SLC24A2: variants seen among roughly 807,000 people sequenced by gnomAD.
The protein encoded by SLC24A2 is sodium/potassium/calcium exchanger 2.
In SLC24A2, 36 loss-of-function variants were observed where a neutral mutation model predicts 62.0. The observed-to-expected ratio is 0.58, with a 90% confidence interval of 0.44 to 0.77. The LOEUF (loss-of-function observed/expected upper bound fraction) is 0.77. Ranked by LOEUF, SLC24A2 falls within the 30% of genes least tolerant of loss-of-function variation. The pLI is 0.00. For synonymous variants in SLC24A2, 358 were observed against 294.0 expected (o/e 1.22, Z -2.23); for missense variants, 846 against 817.9 (o/e 1.03, Z -0.42).
At chr9:19,720,256 C>A (rs1444535373) in intron 2 of SLC24A2, among the ~76,000 whole-genome samples, 1 of 152,076 alleles carries the variant, frequency 6.6e-6, no homozygotes, top group Non-Finnish European at 1.5e-5. Flanking sequence ...CGTGTACCTC[C>A]ACTATCTAAA....
At chr9:19,888,215 T>A in the SLC24A2 span, among the ~76,000 whole-genome samples, 4 of 152,228 alleles carry the variant, frequency 2.6e-5, no homozygotes, top group East Asian at 1.9e-4. Flanking sequence ...CTCCATTATG[T>A]TTTAATTTTT....
chr9:19,942,933 C>T, the SLC24A2 span, among the ~76,000 whole-genome samples: 1 of 152,064 alleles, frequency 6.6e-6, no homozygotes, highest in African/African-American at 2.4e-5. Context: ...AGAATGACCC[C>T]GAATGAACAT....
chr9:20,247,138 T>C, the SLC24A2 span, among the ~76,000 whole-genome samples: 126 of 152,324 alleles, frequency 8.3e-4, no homozygotes, highest in African/African-American at 2.8e-3. Flanking sequence ...GGTTTCTCTA[T>C]TGGAAATATT....
the SLC24A2 span, among the ~76,000 whole-genome samples, chr9:20,005,433 G>A: frequency 6.6e-6 from 1 of 152,116 alleles, no homozygotes; most frequent in African/African-American, 2.4e-5. Flanking sequence ...AATCTTCACA[G>A]TGGCCTAAGG....
the SLC24A2 span, among the ~76,000 whole-genome samples, chr9:19,876,052 G>T: frequency 6.6e-6 from 1 of 152,184 alleles, no homozygotes; most frequent in Non-Finnish European, 1.5e-5. Context: ...CTTGCAGCAT[G>T]TCAAGTCTTC....
the SLC24A2 span, among the ~76,000 whole-genome samples, chr9:20,282,617 T>C: frequency 2.6e-5 from 4 of 152,214 alleles, no homozygotes; most frequent in African/African-American, 9.7e-5. Flanking sequence ...TGAATTGGTA[T>C]CTTTTCAACT....
chr9:19,985,767 A>G, the SLC24A2 span, among the ~76,000 whole-genome samples: 2 of 152,168 alleles, frequency 1.3e-5, no homozygotes, highest in African/African-American at 4.8e-5. Context: ...CAAAAGCATT[A>G]TTAAAAAGTA....
intron 2 of SLC24A2, among the ~76,000 whole-genome samples, chr9:19,628,700 TC>T (rs1298351603): frequency 6.6e-6 from 1 of 152,202 alleles, no homozygotes; most frequent in African/African-American, 2.4e-5. Flanking sequence ...TTGCCTTACT[TC>T]CTTTAAGGAA....
At chr9:20,057,791 G>A in the SLC24A2 span, among the ~76,000 whole-genome samples, 1 of 152,124 alleles carries the variant, frequency 6.6e-6, no homozygotes, top group Non-Finnish European at 1.5e-5. Flanking sequence ...TTAAAACTGT[G>A]TGAGGTAGAT....
At chr9:19,531,626 T>A (rs955365621) in intron 8 of SLC24A2, among the ~76,000 whole-genome samples, 1 of 152,104 alleles carries the variant, frequency 6.6e-6, no homozygotes, top group Admixed American at 6.5e-5. Flanking sequence ...CTTACTGATT[T>A]AAATTCAACA....
intron 2 of SLC24A2, among the ~76,000 whole-genome samples, chr9:19,662,917 T>C (rs1330180371): frequency 1.3e-5 from 2 of 152,214 alleles, no homozygotes; most frequent in Non-Finnish European, 2.9e-5. Flanking sequence ...CATGTCTAAC[T>C]GGTTTTAGAT....
chr9:19,591,173 A>G (rs1211932546), intron 5 of SLC24A2, among the ~76,000 whole-genome samples: 1 of 152,048 alleles, frequency 6.6e-6, no homozygotes, highest in African/African-American at 2.4e-5. Flanking sequence ...ATGACCCCCA[A>G]ATTTACATCT....
the SLC24A2 span, among the ~76,000 whole-genome samples, chr9:19,822,211 A>C: frequency 1.3e-5 from 2 of 152,160 alleles, no homozygotes; most frequent in African/African-American, 4.8e-5. Context: ...TAATGATAGA[A>C]TCAGCATGTT....
At chr9:19,718,223 C>A (rs1290999149) in intron 2 of SLC24A2, among the ~76,000 whole-genome samples, 1 of 150,568 alleles carries the variant, frequency 6.6e-6, no homozygotes, top group Non-Finnish European at 1.5e-5. Context: ...GATCTGCCTG[C>A]CTTGGCCTCC....
intron 3 of SLC24A2, 47 bp from the exon 4 acceptor site, chr9:19,619,739 A>G (rs777693316): frequency 7.8e-6 from 11 of 1,413,740 alleles, no homozygotes; most frequent in African/African-American, 1.4e-5. Flanking sequence ...AATGAAAGAC[A>G]AGTGCATTAT....
chr9:19,785,989 A>C lies in SLC24A2; in HGVS notation c.878T>G (p.Met293Arg), dbSNP rs2118946319. ...NVQVEKWVKQ[M>R]INRNKVVKVT... ...CTTGACGACCTTATTGCGGTTTATCATTTGCTTCACCCATTTTTCTACTTG... is the reference window on the plus strand; with the variant it reads ...CTTGACGACCTTATTGCGGTTTATCCTTTGCTTCACCCATTTTTCTACTTG... Residue 293 changes from methionine (M) to arginine (R), a missense_variant, in exon 2 of 11, where the codon ATG (methionine) becomes AGG (arginine). By Grantham distance (91) the Met-to-Arg change is moderately conservative (BLOSUM62 -1). Transcript: ENST00000341998. 1 of 1,614,172 alleles carries C rather than the reference A, an allele frequency of 6.2e-7. No homozygotes were observed. The highest frequency in any genetic ancestry group is 1.3e-5 in the African/African-American group (1 of 75,064).
At chr9:19,756,609 G>T (rs537658924) in intron 2 of SLC24A2, among the ~76,000 whole-genome samples, 1 of 152,192 alleles carries the variant, frequency 6.6e-6, no homozygotes, top group African/African-American at 2.4e-5. Flanking sequence ...TTCTCTGCTT[G>T]GGCAGTCATG....
At chr9:19,902,984 C>T in the SLC24A2 span, among the ~76,000 whole-genome samples, 1 of 151,806 alleles carries the variant, frequency 6.6e-6, no homozygotes, top group Non-Finnish European at 1.5e-5. Flanking sequence ...ACAGATCCTA[C>T]CTAGGAAAAA....
chr9:20,240,900 C>T, the SLC24A2 span, among the ~76,000 whole-genome samples: 2 of 152,072 alleles, frequency 1.3e-5, no homozygotes, highest in Non-Finnish European at 2.9e-5. Context: ...GAGTCTCTGC[C>T]CCTGAAAGGC....
Sources: allele counts gnomAD v4.1 joint callset (sites outside exome capture counted in the v4.1 genomes callset), GRCh38; gene constraint gnomAD v4.1.1; transcripts MANE v1.5; gene names NCBI Gene and HGNC (gene_info 2026-07-23, HGNC 2026-07-21).